Variants in MAN1A2 observed in about 807,000 individuals in gnomAD.
MAN1A2 encodes the protein mannosyl-oligosaccharide 1,2-alpha-mannosidase IB.
Under a neutral mutation model 75.7 loss-of-function variants are expected in MAN1A2, and 26 were observed. The ratio of observed to expected loss-of-function variants is 0.34; its 90% CI spans 0.25 to 0.48. The LOEUF (loss-of-function observed/expected upper bound fraction) is 0.48. Ranked by LOEUF, MAN1A2 falls within the 20% of genes least tolerant of loss-of-function variation. The pLI is 0.99. For synonymous variants in MAN1A2, 247 were observed against 264.6 expected (o/e 0.93, Z 0.65); for missense variants, 562 against 775.5 (o/e 0.72, Z 3.27).
chr1:117,400,489 T>C (rs1647387875), intron 1 of MAN1A2, among the ~76,000 whole-genome samples: 1 of 151,960 alleles, frequency 6.6e-6, no homozygotes, highest in African/African-American at 2.4e-5. Context: ...AAAACTCCCT[T>C]GTGTTATTCC....
chr1:117,425,969 T>A (rs567848509), intron 5 of MAN1A2, among the ~76,000 whole-genome samples: 1 of 152,290 alleles, frequency 6.6e-6, no homozygotes, highest in Non-Finnish European at 1.5e-5. Flanking sequence ...TTTTATTCCT[T>A]CTGTGGAAAC....
At position 117,368,175 on chromosome 1, in the gene MAN1A2, G is replaced by C; in HGVS notation, c.-9G>C. 2 of 1,604,004 alleles carry C rather than the reference G, an allele frequency of 1.2e-6. No individual in the cohort carries two copies. Among genetic ancestry groups the C allele is most frequent in the African/African-American group, 2.7e-5 (2 of 74,486 alleles). The stretch of plus-strand genomic sequence containing the variant: ...ACTTTCTAAAGTATTCTCTCCAAGA[G>C]CGTAAACGATGACTACCCCAGCCCT... On this transcript the variant is annotated 5_prime_UTR_variant, in exon 1 of 13. Transcript: ENST00000356554.
intron 8 of MAN1A2, among the ~76,000 whole-genome samples, chr1:117,477,095 G>T (rs186785197): frequency 6.6e-6 from 1 of 151,776 alleles, no homozygotes; most frequent in African/African-American, 2.4e-5. Context: ...GGAAGAAGTC[G>T]AATCCCTGAA....
intron 8 of MAN1A2, among the ~76,000 whole-genome samples, chr1:117,487,399 G>A (rs1650746241): frequency 6.6e-6 from 1 of 151,980 alleles, no homozygotes; most frequent in South Asian, 2.1e-4. Flanking sequence ...AAGTAACATG[G>A]TTGATAGGCT....
At chr1:117,422,567 G>A (rs1648231503) in intron 5 of MAN1A2, among the ~76,000 whole-genome samples, 1 of 151,998 alleles carries the variant, frequency 6.6e-6, no homozygotes, top group South Asian at 2.1e-4. Flanking sequence ...GCCTCTCATT[G>A]TTGTGAGTAC....
In MAN1A2 at chr1:117,479,187, T is replaced by G. The variant is rs548249092; in HGVS notation, c.1168+12760T>G. Reference sequence around the variant, plus strand: ...AGAACATATGGTGTTTGGTTTTCTGTTCCTGTATAGTTTGGTTTTCTGTTC... The same window carrying G: ...AGAACATATGGTGTTTGGTTTTCTGGTCCTGTATAGTTTGGTTTTCTGTTC... On this transcript the variant is annotated intron_variant, in intron 8 of 12. Transcript: ENST00000356554. Among the ~76,000 whole-genome samples, 6 of 151,982 alleles carry G rather than the reference T, an allele frequency of 3.9e-5. No homozygotes were observed. The East Asian group carries it at 1.2e-3, about 30-fold the overall frequency.
chr1:117,481,396 C>T (rs185810110), intron 8 of MAN1A2, among the ~76,000 whole-genome samples: 14 of 151,936 alleles, frequency 9.2e-5, no homozygotes, highest in Non-Finnish European at 1.3e-4. Flanking sequence ...CTGGGCTCTG[C>T]TCCCCATCAC....
chr1:117,515,030 C>T (rs1651671902), intron 12 of MAN1A2: 1 of 375,538 alleles, frequency 2.7e-6, no homozygotes, highest in South Asian at 2.4e-5. Context: ...GAAATGTATA[C>T]TCTACCCATA....
chr1:117,496,930 A>G lies in MAN1A2; in HGVS notation c.1452A>G (p.Leu484=), dbSNP rs963439506. 2 of 1,612,572 alleles carry G rather than the reference A, an allele frequency of 1.2e-6. No individual in the cohort carries two copies. The highest frequency in any genetic ancestry group is 1.1e-5 in the South Asian group (1 of 90,988). ...GSRADKAGHY[L]ELGAEIARTC... ...GAGCAGATAAAGCTGGTCATTATTT[A>G]GAGCTAGGGGCAGAAATTGCACGTA... is the stretch of plus-strand genomic sequence containing the variant. Residue 484 remains leucine (L), a synonymous_variant, in exon 10 of 13, where the codon TTA becomes TTG. Transcript: ENST00000356554.
Position 117,526,921 on chromosome 1 carries a change from G to A in MAN1A2, c.*3964G>A, listed in dbSNP as rs1485987597. 3 of 127,144 alleles carry A rather than the reference G, an allele frequency of 2.4e-5. No homozygotes were observed. The highest frequency in any genetic ancestry group is 2.2e-4 in the East Asian group (1 of 4,534). 7.9% of individuals were successfully genotyped at this position (127,144 alleles called of 1,614,324 possible). ...ATATATATATATATGAGAGATATAT[G>A]AGATATATGAGAGATCAAGATCTAT... On this transcript the variant is annotated 3_prime_UTR_variant, in exon 13 of 13. Coordinates refer to ENST00000356554, the MANE Select transcript of MAN1A2 (RefSeq NM_006699.5).
intron 8 of MAN1A2, among the ~76,000 whole-genome samples, chr1:117,492,332 C>G (rs985814276): frequency 6.6e-6 from 1 of 152,066 alleles, no homozygotes; most frequent in Admixed American, 6.6e-5. Context: ...CAAGGCAAGA[C>G]CCTCCACCAT....
At chr1:117,407,689 C>T (rs1400047786) in intron 3 of MAN1A2, among the ~76,000 whole-genome samples, 1 of 152,128 alleles carries the variant, frequency 6.6e-6, no homozygotes, top group Non-Finnish European at 1.5e-5. Flanking sequence ...ACAGAAAATC[C>T]ATTGCAAAAT....
chr1:117,430,904 C>T (rs1648616670), intron 5 of MAN1A2, among the ~76,000 whole-genome samples: 1 of 126,904 alleles, frequency 7.9e-6, no homozygotes, highest in Non-Finnish European at 1.7e-5. Flanking sequence ...CGCCACTGCA[C>T]TCCAGCCTGG....
intron 11 of MAN1A2, 103 bp downstream of exon 11, chr1:117,499,657 G>C: frequency 1.2e-6 from 1 of 821,994 alleles, no homozygotes; most frequent in Non-Finnish European, 1.7e-6. Flanking sequence ...AGTATCTGTA[G>C]GGCAGTTTTT....
intron 1 of MAN1A2, among the ~76,000 whole-genome samples, chr1:117,397,485 A>G (rs897305966): frequency 1.3e-5 from 2 of 152,092 alleles, no homozygotes; most frequent in Non-Finnish European, 2.9e-5. Context: ...TGCTAACACG[A>G]AGTTAATAGC....
chr1:117,395,205 A>G (rs1653867662), intron 1 of MAN1A2, among the ~76,000 whole-genome samples: 1 of 152,192 alleles, frequency 6.6e-6, no homozygotes, highest in African/African-American at 2.4e-5. Flanking sequence ...GGAGGAAGAA[A>G]GAAAAGATTT....
intron 1 of MAN1A2, among the ~76,000 whole-genome samples, chr1:117,372,227 T>G (rs1453191379): frequency 6.6e-6 from 1 of 152,142 alleles, no homozygotes; most frequent in Non-Finnish European, 1.5e-5. Context: ...AGAGGATATA[T>G]TGGCTTAGAT....
intron 6 of MAN1A2, among the ~76,000 whole-genome samples, chr1:117,454,865 T>C (rs1649530725): frequency 6.6e-6 from 1 of 152,050 alleles, no homozygotes; most frequent in Non-Finnish European, 1.5e-5. Context: ...TGGTATAATA[T>C]ATAAAGGTCT....
intron 5 of MAN1A2, among the ~76,000 whole-genome samples, chr1:117,429,558 G>A (rs1204189355): frequency 1.9e-5 from 2 of 104,084 alleles, no homozygotes; most frequent in African/African-American, 3.7e-5. Context: ...CCTCCCGGAC[G>A]GGGCGGCTGG....
Sources: allele counts gnomAD v4.1 joint callset (sites outside exome capture counted in the v4.1 genomes callset), GRCh38; gene constraint gnomAD v4.1.1; transcripts MANE v1.5; gene names NCBI Gene and HGNC (gene_info 2026-07-23, HGNC 2026-07-21).